The following DIPK1A variants were observed in gnomAD, a reference collection of about 807,000 sequenced individuals.
The protein encoded by DIPK1A is family with sequence similarity 69 member A.
DIPK1A carries 27 observed loss-of-function variants against 40.8 expected under a neutral mutation model. That is an observed-to-expected ratio of 0.66 (90% CI 0.49 to 0.91). The LOEUF is 0.91. Among genes scored for constraint, DIPK1A ranks in the 40% least tolerant of loss-of-function variants. DIPK1A has a pLI of 0.00. For missense variants in DIPK1A, 412 were observed against 505.7 expected, an observed-to-expected ratio of 0.81 and a Z score of 1.78; for synonymous variants, 166 against 171.3, an observed-to-expected ratio of 0.97 and a Z score of 0.24.
intron 1 of DIPK1A, among the ~76,000 whole-genome samples, chr1:92,943,847 T>C (rs953500161): frequency 6.6e-6 from 1 of 152,100 alleles, no homozygotes; most frequent in African/African-American, 2.4e-5. Flanking sequence ...TTCTAAAATA[T>C]GAACAGACAA....
At chr1:92,856,250 A>C (rs1354624893) in intron 2 of DIPK1A, among the ~76,000 whole-genome samples, 2 of 152,138 alleles carry the variant, frequency 1.3e-5, no homozygotes, top group East Asian at 3.8e-4. Flanking sequence ...CATTTGAAAT[A>C]AACAATTTTT....
At chr1:92,881,781 G>C (rs779247774) in intron 1 of DIPK1A, among the ~76,000 whole-genome samples, 3 of 152,160 alleles carry the variant, frequency 2.0e-5, no homozygotes, top group Non-Finnish European at 2.9e-5. Flanking sequence ...TTTAGAAACT[G>C]CAAGGAAATA....
At chr1:92,883,030 G>C (rs916384740) in intron 1 of DIPK1A, among the ~76,000 whole-genome samples, 16 of 152,200 alleles carry the variant, frequency 1.1e-4, no homozygotes, top group African/African-American at 3.9e-4. Flanking sequence ...CCTGGGGTGG[G>C]TGCAATTCTA....
chr1:92,923,225 G>T (rs1433803471), intron 1 of DIPK1A, among the ~76,000 whole-genome samples: 1 of 152,136 alleles, frequency 6.6e-6, no homozygotes, highest in Non-Finnish European at 1.5e-5. Context: ...TGCAACCTCT[G>T]CCTCCTGGGT....
intron 2 of DIPK1A, among the ~76,000 whole-genome samples, chr1:92,858,835 A>G (rs998993709): frequency 3.9e-5 from 6 of 152,230 alleles, no homozygotes; most frequent in African/African-American, 1.4e-4. Flanking sequence ...GTTGTTTTTC[A>G]GGCACAGCCA....
chr1:92,881,215 T>A (rs555121439), intron 1 of DIPK1A, among the ~76,000 whole-genome samples: 2 of 149,112 alleles, frequency 1.3e-5, no homozygotes, highest in East Asian at 4.0e-4. Context: ...CTATTATCTA[T>A]TTTTAATACT....
chr1:92,890,116 A>G (rs1648792933), intron 1 of DIPK1A, among the ~76,000 whole-genome samples: 1 of 152,054 alleles, frequency 6.6e-6, no homozygotes. Context: ...TTTTTCTGCT[A>G]GTTCATTGTT....
intron 1 of DIPK1A, among the ~76,000 whole-genome samples, chr1:92,936,617 G>A (rs182061023): frequency 1.5e-4 from 21 of 144,678 alleles, no homozygotes; most frequent in South Asian, 2.2e-4. Context: ...CAACAAGAGC[G>A]AAACTCCGTC....
At position 92,843,130 on chromosome 1, in the gene DIPK1A, C is replaced by G; in HGVS notation, c.*253G>C. On this transcript the variant is annotated 3_prime_UTR_variant, in exon 5 of 5. Coordinates refer to ENST00000370310, the MANE Select transcript of DIPK1A (RefSeq NM_001006605.5). ...TTTTCACAGCATTGGTTTTTAAAGT[C>G]AGTCAAAATAGTTACACAATGAATG... 3.5e-6 allele frequency: 4 copies of G among 1,157,330 alleles called. No individual in the cohort carries two copies. The highest frequency in any genetic ancestry group is 4.3e-6 in the Non-Finnish European group (4 of 937,820). The allele number at this position is 1,157,330 out of a possible 1,614,324, so 71.7% of individuals were successfully genotyped here.
intron 1 of DIPK1A, among the ~76,000 whole-genome samples, chr1:92,883,962 A>G (rs998525772): frequency 2.0e-5 from 3 of 152,160 alleles, no homozygotes; most frequent in Non-Finnish European, 4.4e-5. Flanking sequence ...TAGCCATTCT[A>G]ATTAAGGGTT....
chr1:92,927,282 C>T (rs1650551589), intron 1 of DIPK1A, among the ~76,000 whole-genome samples: 1 of 151,942 alleles, frequency 6.6e-6, no homozygotes, highest in Non-Finnish European at 1.5e-5. Context: ...ACAGCCTTGA[C>T]CTTCTGTGCA....
intron 1 of DIPK1A, among the ~76,000 whole-genome samples, chr1:92,896,956 T>C (rs1238106639): frequency 2.0e-5 from 3 of 152,064 alleles, no homozygotes; most frequent in African/African-American, 4.8e-5. Context: ...CACAGTGAGA[T>C]ACCATCTCAC....
chr1:92,888,538 A>T (rs1648712901), intron 1 of DIPK1A, among the ~76,000 whole-genome samples: 1 of 152,196 alleles, frequency 6.6e-6, no homozygotes, highest in Non-Finnish European at 1.5e-5. Context: ...CTTTCCTTGG[A>T]ATATATGCCC....
intron 1 of DIPK1A, chr1:92,931,104 T>A (rs1650729196): frequency 1.3e-5 from 2 of 152,200 alleles, no homozygotes; most frequent in Non-Finnish European, 1.5e-5. Context: ...CTTATTTTTT[T>A]AAATTAATAG....
At chr1:92,898,279 A>T (rs935561127) in intron 1 of DIPK1A, among the ~76,000 whole-genome samples, 2 of 152,220 alleles carry the variant, frequency 1.3e-5, no homozygotes, top group African/African-American at 4.8e-5. Context: ...TGGTGAAGAG[A>T]GCAACGGGGG....
intron 1 of DIPK1A, among the ~76,000 whole-genome samples, chr1:92,915,285 A>G (rs538092369): frequency 6.6e-6 from 1 of 152,246 alleles, no homozygotes; most frequent in Non-Finnish European, 1.5e-5. Context: ...ACAAAATGGC[A>G]TGCCCTAAAC....
At chr1:92,959,873 G>A (rs1557502609) in intron 1 of DIPK1A, among the ~76,000 whole-genome samples, 1 of 144,204 alleles carries the variant, frequency 6.9e-6, no homozygotes, top group Non-Finnish European at 1.5e-5. Flanking sequence ...CAGCCTCCCG[G>A]AGTAGCTGGG....
chr1:92,919,858 T>C (rs955203672), intron 1 of DIPK1A, among the ~76,000 whole-genome samples: 51 of 152,240 alleles, frequency 3.3e-4, no homozygotes, highest in Non-Finnish European at 1.5e-4. Context: ...TTTGATAAAT[T>C]GATTTGACAT....
intron 2 of DIPK1A, among the ~76,000 whole-genome samples, chr1:92,854,512 A>G (rs1372291432): frequency 6.6e-6 from 1 of 152,176 alleles, no homozygotes; most frequent in African/African-American, 2.4e-5. Flanking sequence ...CTTGGAGGAT[A>G]TGGGCAGTCC....
Sources: gnomAD v4.1 joint callset for allele counts (sites outside exome capture counted in the v4.1 genomes callset) on GRCh38, gnomAD v4.1.1 for gene constraint, MANE v1.5 for transcripts, NCBI Gene and HGNC (gene_info 2026-07-23, HGNC 2026-07-21) for gene names.